The following CXCL12 variants were observed in gnomAD, a reference collection of about 807,000 sequenced individuals.
CXCL12 encodes stromal cell-derived factor 1.
Under a neutral mutation model 10.7 loss-of-function variants are expected in CXCL12, and 4 were observed. The observed-to-expected ratio is 0.37, with a 90% CI of 0.18 to 0.86. CXCL12 has a LOEUF of 0.86. CXCL12 is among the 40% of genes least tolerant of loss of function. The probability of loss-of-function intolerance (pLI) is 0.43; values close to 1 mark genes in which losing one functional copy is unlikely to be tolerated. For synonymous variants in CXCL12, 54 were observed against 45.4 expected, an observed-to-expected ratio of 1.19 and a Z score of -0.77; for missense variants, 122 against 110.4, an observed-to-expected ratio of 1.10 and a Z score of -0.47.
intron 1 of CXCL12, among the ~76,000 whole-genome samples, chr10:44,383,889 G>A (rs1839714288): frequency 6.6e-6 from 1 of 152,166 alleles, no homozygotes; most frequent in African/African-American, 2.4e-5. Flanking sequence ...CACTCAGAGT[G>A]TCCTTCAACT....
At chr10:44,380,271 T>C (rs1033585941) in intron 2 of CXCL12, 1 of 158,138 alleles carries the variant, frequency 6.3e-6, no homozygotes, top group South Asian at 1.9e-4. Flanking sequence ...CAAAACCTCA[T>C]ATGTTGTACT....
chr10:44,375,803 C>G (rs1441677864), downstream of CXCL12: 1 of 1,477,154 alleles, frequency 6.8e-7, no homozygotes, highest in South Asian at 1.4e-5. Context: ...GCTGGCAGGG[C>G]AGCAAAGCAC....
downstream of CXCL12, chr10:44,376,948 G>T: frequency 4.6e-6 from 1 of 218,514 alleles, no homozygotes; most frequent in Non-Finnish European, 7.7e-6. Flanking sequence ...AACTTGAGCT[G>T]CAGATCTAAT....
In CXCL12 at chr10:44,377,774, C is replaced by T; in HGVS notation, c.*859G>A. Reference sequence around the variant, plus strand: ...TTACACATCCCCAGGAGAGGGCCAGCTCCATTCTGGAGGAGGCCAAAGACG... The same window carrying T: ...TTACACATCCCCAGGAGAGGGCCAGTTCCATTCTGGAGGAGGCCAAAGACG... On this transcript the variant is annotated 3_prime_UTR_variant, in exon 3 of 3. Coordinates refer to ENST00000343575, the MANE Select transcript of CXCL12 (RefSeq NM_199168.4). 1 of 1,598,352 alleles carries T rather than the reference C, an allele frequency of 6.3e-7. No homozygotes were observed. The highest frequency in any genetic ancestry group is 8.5e-7 in the Non-Finnish European group (1 of 1,179,796).
At position 44,380,403 on chromosome 10, in the gene CXCL12, C is replaced by T. The variant is rs186907818; in HGVS notation, c.179+360G>A. On this transcript the variant is annotated intron_variant, in intron 2 of 2. Transcript: ENST00000343575. The stretch of plus-strand genomic sequence containing the variant: ...GCATCAGATCCCCGAAACTGGCAGG[C>T]CAGTTATCACTGTTATTAGCTAAGG... The T allele has an allele frequency of 2.7e-3, 563 of 206,626 alleles. 1 individual carries two copies. Among genetic ancestry groups the T allele is most frequent in the African/African-American group, 0.012 (512 of 44,376 alleles). 12.8% of individuals were successfully genotyped at this position (206,626 alleles called of 1,614,324 possible). A position where few individuals can be genotyped will look rare whatever the true frequency, so the allele number is the denominator to read the frequency against.
chr10:44,383,488 C>A (rs973876525), intron 1 of CXCL12, among the ~76,000 whole-genome samples: 4 of 151,894 alleles, frequency 2.6e-5, no homozygotes, highest in Non-Finnish European at 4.4e-5. Context: ...TTTCCCAGAG[C>A]GGCGCACTGT....
Position 44,377,897 on chromosome 10 carries a change from C to T in CXCL12, c.*736G>A. ...CACCCTCTTCCCGGCTGGTGCGGCG[C>T]TGATCAGGCTACAGAAATGAGAAGC... On this transcript the variant is annotated 3_prime_UTR_variant, in exon 3 of 3. Transcript: ENST00000343575. 6.4e-7 allele frequency: 1 copy of T among 1,564,576 alleles called. No individual in the cohort carries two copies. Among genetic ancestry groups the T allele is most frequent in the Non-Finnish European group, 8.6e-7 (1 of 1,163,716 alleles).
intron 2 of CXCL12, among the ~76,000 whole-genome samples, chr10:44,380,020 T>G (rs1231267840): frequency 6.6e-6 from 1 of 152,180 alleles, no homozygotes; most frequent in African/African-American, 2.4e-5. Context: ...TTTTTAGCAC[T>G]AGAACTTCTG....
chr10:44,378,846 C>G (rs1048555708), intron 2 of CXCL12, 123 bp from the exon 3 acceptor site: 24 of 960,754 alleles, frequency 2.5e-5, no homozygotes, highest in Non-Finnish European at 3.5e-5. Flanking sequence ...CCACTTGGTA[C>G]GCTCAGGCTC....
chr10:44,380,983 G>C (rs566977764), intron 1 of CXCL12, 103 bp from the exon 2 acceptor site: 24 of 907,650 alleles, frequency 2.6e-5, no homozygotes, highest in East Asian at 1.7e-4. Flanking sequence ...ATCAAGAGAC[G>C]GCATCACTGG....
chr10:44,383,224 G>GAAAAC (rs971807105), intron 1 of CXCL12, among the ~76,000 whole-genome samples: 3 of 152,176 alleles, frequency 2.0e-5, no homozygotes, highest in South Asian at 2.1e-4. Flanking sequence ...GAGGTGAGGG[G>GAAAAC]AAAACAAAAC....
chr10:44,376,357 G>A (rs1839449457), downstream of CXCL12, among the ~76,000 whole-genome samples: 1 of 152,224 alleles, frequency 6.6e-6, no homozygotes, highest in Non-Finnish European at 1.5e-5. Context: ...GCTGGCCATC[G>A]TGGTCCTTGT....
Position 44,383,617 on chromosome 10 carries a change from G to GC in CXCL12, c.61+1327_61+1328insG. ...ACATGCCCCATGACTTGCGGGGGGGGGGGGGGGTCAGTGTGCAGACACAGC... is the reference window on the plus strand; with the variant it reads ...ACATGCCCCATGACTTGCGGGGGGGGCGGGGGGGTCAGTGTGCAGACACAGC... On this transcript the variant is annotated intron_variant, in intron 1 of 2. Coordinates refer to ENST00000343575, the MANE Select transcript of CXCL12 (RefSeq NM_199168.4). 2.2e-5 allele frequency among the ~76,000 whole-genome samples: 3 copies of GC among 135,660 alleles called. 1 individual carries two copies. The South Asian group carries it at 8.4e-4, about 38-fold the overall frequency. 89.0% of individuals were successfully genotyped at this position (135,660 alleles called of 152,430 possible).
chr10:44,373,989 G>A (rs529606282), downstream of CXCL12, among the ~76,000 whole-genome samples: 2 of 152,304 alleles, frequency 1.3e-5, no homozygotes, highest in South Asian at 2.1e-4. Context: ...ACTCTTCCAC[G>A]GCGACCCTGT....
chr10:44,377,429 A>G lies in CXCL12; in HGVS notation c.*1204T>C. The G allele has an allele frequency of 8.9e-7, 1 of 1,129,900 alleles. No individual in the cohort carries two copies. 70.0% of individuals were successfully genotyped at this position (1,129,900 alleles called of 1,614,324 possible). A position where few individuals can be genotyped will look rare whatever the true frequency, so the allele number is the denominator to read the frequency against. On this transcript the variant is annotated 3_prime_UTR_variant, in exon 3 of 3. Transcript: ENST00000343575. ...AATGTGCACAAAAATATATATAAAA[A>G]AATGCCTTGCAAAAAGTTACAAATA...
chr10:44,378,843 G>A (rs1419033959), intron 2 of CXCL12, 120 bp from the exon 3 acceptor site: 1 of 984,862 alleles, frequency 1.0e-6, no homozygotes, highest in Non-Finnish European at 1.6e-6. Flanking sequence ...GCTCCACTTG[G>A]TACGCTCAGG....
Position 44,378,599 on chromosome 10 carries a change from G to A in CXCL12, c.*34C>T, listed in dbSNP as rs753346088. 2 of 1,613,840 alleles carry A rather than the reference G, an allele frequency of 1.2e-6. No individual in the cohort carries two copies. The highest frequency in any genetic ancestry group is 2.2e-5 in the East Asian group (1 of 44,866). ...CACAAGGTTTTAGTTTTCCTCGAGT[G>A]GGTCTAGCGGAAAGTCCTTTTTGGC... On this transcript the variant is annotated 3_prime_UTR_variant, in exon 3 of 3. Coordinates refer to ENST00000343575, the MANE Select transcript of CXCL12 (RefSeq NM_199168.4).
At chr10:44,375,076 G>A (rs539441183), downstream of CXCL12, among the ~76,000 whole-genome samples, 143 of 152,310 alleles carry the variant, frequency 9.4e-4, no homozygotes, top group African/African-American at 3.4e-3. Context: ...ACGCCATCAC[G>A]CAGGAGGCGG....
At position 44,384,936 on chromosome 10, in the gene CXCL12, C is replaced by T. The variant is rs1345903821; in HGVS notation, c.61+9G>A. On this transcript the variant is annotated intron_variant, in intron 1 of 2. Transcript: ENST00000343575. ...GCCTCGCCAGGGCCTCCCCGCCGAG[C>T]GCACTTACCGTCGCTGAGGCAGAGC... 6 of 1,550,474 alleles carry T rather than the reference C, an allele frequency of 3.9e-6. No homozygotes were observed. The highest frequency in any genetic ancestry group is 3.6e-5 in the Admixed American group (2 of 55,776).
Sources: gnomAD v4.1 joint callset for allele counts (sites outside exome capture counted in the v4.1 genomes callset) on GRCh38, gnomAD v4.1.1 for gene constraint, MANE v1.5 for transcripts, NCBI Gene and HGNC (gene_info 2026-07-23, HGNC 2026-07-21) for gene names.